METTL15: variants seen among roughly 807,000 people sequenced by gnomAD.
METTL15 encodes methyltransferase 15, mitochondrial 12S rRNA N4-cytidine, also known as 12S rRNA N(4)-cytidine methyltransferase METTL15.
A neutral mutation model predicts 38.3 loss-of-function variants in METTL15; 34 were observed. That is an observed-to-expected ratio of 0.89 (90% CI 0.68 to 1.18). The LOEUF is 1.18. METTL15 is among the 50% of genes most tolerant of loss of function. The pLI, the probability that METTL15 is intolerant of heterozygous loss-of-function variation, is 0.00. For missense variants in METTL15, 438 were observed against 498.4 expected (o/e 0.88, Z 1.15); for synonymous variants, 162 against 170.9 (o/e 0.95, Z 0.41).
chr11:28,312,908 A>T (rs1857355367), intron 6 of METTL15, among the ~76,000 whole-genome samples: 1 of 151,938 alleles, frequency 6.6e-6, no homozygotes, highest in Admixed American at 6.6e-5. Flanking sequence ...AATACTGTTA[A>T]CATTGGGCAT....
chr11:28,242,862 A>G (rs1854357446), intron 4 of METTL15, among the ~76,000 whole-genome samples: 2 of 152,178 alleles, frequency 1.3e-5, no homozygotes, highest in African/African-American at 4.8e-5. Flanking sequence ...AGAGTTGGTT[A>G]GTGGCAGAGA....
intron 3 of METTL15, among the ~76,000 whole-genome samples, chr11:28,156,634 G>A (rs1345006930): frequency 6.6e-6 from 1 of 152,166 alleles, no homozygotes; most frequent in Non-Finnish European, 1.5e-5. Context: ...GAAAGGGAAT[G>A]AGATAACCAA....
intron 4 of METTL15, among the ~76,000 whole-genome samples, chr11:28,229,911 A>T (rs1404921828): frequency 1.3e-5 from 2 of 151,996 alleles, no homozygotes; most frequent in African/African-American, 4.8e-5. Context: ...AAAAATAACT[A>T]ATATCATACA....
In METTL15 at chr11:28,356,726, AC is replaced by A. The variant is rs747765730; in HGVS notation, c.*258+4570del. Among the ~76,000 whole-genome samples, 12 of 152,310 alleles carry A rather than the reference AC, an allele frequency of 7.9e-5. No individual in the cohort carries two copies. In the South Asian group the frequency reaches 1.9e-3, roughly 24 times the overall value. On this transcript the variant is annotated intron_variant and NMD_transcript_variant, in intron 4 of 7. Transcript: ENST00000532947. ...AAACCAGAGGCCTGGAAACAAAAAC[AC>A]CATTTGAATTATGTCTTTTCATAGG...
At chr11:28,279,244 G>T in intron 4 of METTL15, among the ~76,000 whole-genome samples, 1 of 151,894 alleles carries the variant, frequency 6.6e-6, no homozygotes, top group Admixed American at 6.6e-5. Flanking sequence ...TTTAATATTT[G>T]CATGACATCT....
chr11:28,376,624 C>T (rs1013143928), intron 5 of METTL15, among the ~76,000 whole-genome samples: 5 of 152,046 alleles, frequency 3.3e-5, no homozygotes. Flanking sequence ...ATTTGCCAGT[C>T]TGTGTCTTTT....
intron 5 of METTL15, among the ~76,000 whole-genome samples, chr11:28,294,582 A>G (rs1022840938): frequency 6.6e-6 from 1 of 152,174 alleles, no homozygotes; most frequent in South Asian, 2.1e-4. Flanking sequence ...GTTGGCAGTT[A>G]TAGTCTTCAC....
intron 6 of METTL15, among the ~76,000 whole-genome samples, chr11:28,441,688 A>T (rs1409812777): frequency 6.6e-6 from 1 of 152,078 alleles, no homozygotes; most frequent in Admixed American, 6.6e-5. Context: ...TTCCATTTGC[A>T]TTCATTTTGC....
intron 3 of METTL15, among the ~76,000 whole-genome samples, chr11:28,204,777 G>C (rs1409281943): frequency 1.3e-5 from 2 of 151,900 alleles, no homozygotes; most frequent in African/African-American, 2.4e-5. Flanking sequence ...AAGATAAATA[G>C]AGGTACTTTT....
At chr11:28,426,356 T>A (rs957259494) in intron 6 of METTL15, among the ~76,000 whole-genome samples, 2 of 152,280 alleles carry the variant, frequency 1.3e-5, no homozygotes, top group African/African-American at 4.8e-5. Flanking sequence ...GGGTGTTTAG[T>A]TTGATTCCAT....
At chr11:28,353,874 G>A (rs1045944132) in intron 4 of METTL15, among the ~76,000 whole-genome samples, 4 of 148,512 alleles carry the variant, frequency 2.7e-5, no homozygotes, top group South Asian at 4.3e-4. Context: ...GCAGTGAGCC[G>A]AGATTGCGCC....
chr11:28,429,994 C>T (rs1397207246), intron 6 of METTL15, among the ~76,000 whole-genome samples: 3 of 131,726 alleles, frequency 2.3e-5, no homozygotes, highest in African/African-American at 5.7e-5. Context: ...ATGTGGGGAG[C>T]GCCTCTGCCC....
At chr11:28,450,033 A>G (rs1006753032) in intron 6 of METTL15, among the ~76,000 whole-genome samples, 8 of 152,218 alleles carry the variant, frequency 5.3e-5, no homozygotes, top group Non-Finnish European at 1.0e-4. Context: ...AAATTGCTGT[A>G]TTTTGGGCAG....
At chr11:28,212,366 T>C (rs1254608632) in intron 4 of METTL15, among the ~76,000 whole-genome samples, 1 of 152,174 alleles carries the variant, frequency 6.6e-6, no homozygotes, top group Non-Finnish European at 1.5e-5. Context: ...CTATCTGTCT[T>C]CTGCAGTGTA....
intron 3 of METTL15, among the ~76,000 whole-genome samples, chr11:28,164,481 C>T (rs1466367014): frequency 6.6e-6 from 1 of 151,934 alleles, no homozygotes; most frequent in Admixed American, 6.6e-5. Flanking sequence ...TTTAGCCATA[C>T]ATGATTTTCT....
At chr11:28,151,006 CAAAA>C (rs34906623) in intron 3 of METTL15, among the ~76,000 whole-genome samples, 12 of 84,506 alleles carry the variant, frequency 1.4e-4, no homozygotes, top group African/African-American at 4.6e-4. Context: ...CAACAGTGAC[CAAAA>C]AAAAAAAAAA....
intron 4 of METTL15, among the ~76,000 whole-genome samples, chr11:28,234,052 G>T (rs893112943): frequency 4.0e-5 from 6 of 151,344 alleles, no homozygotes; most frequent in Non-Finnish European, 7.4e-5. Context: ...AGAATATATG[G>T]TGTTTGGTTT....
intron 3 of METTL15, among the ~76,000 whole-genome samples, chr11:28,193,671 C>T (rs975198076): frequency 1.1e-4 from 16 of 151,986 alleles, no homozygotes; most frequent in Non-Finnish European, 1.5e-5. Flanking sequence ...TTGACATCTC[C>T]AAAGGTTTAT....
At chr11:28,516,871 A>AGCAGT (rs1309084201) in intron 6 of METTL15, 1 of 152,238 alleles carries the variant, frequency 6.6e-6, no homozygotes, top group Non-Finnish European at 1.5e-5. Context: ...AGACATCTAA[A>AGCAGT]GCAGTGCAGT....
Sources: gnomAD v4.1 joint callset for allele counts (sites outside exome capture counted in the v4.1 genomes callset) on GRCh38, gnomAD v4.1.1 for gene constraint, MANE v1.5 for transcripts, NCBI Gene and HGNC (gene_info 2026-07-23, HGNC 2026-07-21) for gene names.